ZMYND11: variants seen among roughly 807,000 people sequenced by gnomAD.
The protein encoded by ZMYND11 is zinc finger MYND-type containing 11, also known as zinc finger MYND domain-containing protein 11.
ZMYND11 carries 9 observed loss-of-function variants against 84.9 expected under a neutral mutation model. The observed-to-expected ratio is 0.11, with a 90% CI of 0.06 to 0.18. ZMYND11 has a LOEUF of 0.18. Among genes scored for constraint, ZMYND11 ranks in the 10% least tolerant of loss-of-function variants. ZMYND11 has a pLI of 1.00. For synonymous variants in ZMYND11, 250 were observed against 244.1 expected (o/e 1.02, Z -0.23); for missense variants, 409 against 761.0 (o/e 0.54, Z 5.44).
chr10:157,008 G>A (rs1554759431), intron 1 of ZMYND11, among the ~76,000 whole-genome samples: 1 of 152,122 alleles, frequency 6.6e-6, no homozygotes, highest in East Asian at 1.9e-4. Context: ...TTTTTTAACT[G>A]AATTTTACAA....
intron 1 of ZMYND11, among the ~76,000 whole-genome samples, chr10:171,766 T>G (rs1335567696): frequency 6.6e-6 from 1 of 152,156 alleles, no homozygotes; most frequent in African/African-American, 2.4e-5. Context: ...ACCCTACAGC[T>G]AACATCATAC....
chr10:246,989 G>C lies in ZMYND11; in HGVS notation c.1158+16G>C. 1 of 1,580,352 alleles carries C rather than the reference G, an allele frequency of 6.3e-7. No individual in the cohort carries two copies. The highest frequency in any genetic ancestry group is 8.6e-7 in the Non-Finnish European group (1 of 1,161,044). ...TAATGAGCAGGTGAGTGTGTCTCCG[G>C]AAGGAAGTGCCTATTCATTATTACT... is the stretch of plus-strand genomic sequence containing the variant. On this transcript the variant is annotated intron_variant, in intron 11 of 14. Coordinates refer to ENST00000381604, the MANE Select transcript of ZMYND11 (RefSeq NM_001370100.5).
intron 1 of ZMYND11, among the ~76,000 whole-genome samples, chr10:178,776 G>T (rs1470404798): frequency 6.6e-6 from 1 of 152,102 alleles, no homozygotes; most frequent in East Asian, 1.9e-4. Flanking sequence ...TTCTGATGGT[G>T]GTGTAATTCT....
chr10:144,369 C>T (rs1224141345), intron 1 of ZMYND11, among the ~76,000 whole-genome samples: 1 of 152,070 alleles, frequency 6.6e-6, no homozygotes, highest in Non-Finnish European at 1.5e-5. Context: ...TAGGCGCATG[C>T]CACCACACCT....
At chr10:193,592 T>G (rs1337894270) in intron 2 of ZMYND11, among the ~76,000 whole-genome samples, 1 of 152,218 alleles carries the variant, frequency 6.6e-6, no homozygotes, top group Non-Finnish European at 1.5e-5. Context: ...AAAACCAGAC[T>G]AATAGCTCTG....
At chr10:177,549 C>T (rs893524692) in intron 1 of ZMYND11, among the ~76,000 whole-genome samples, 3 of 152,100 alleles carry the variant, frequency 2.0e-5, no homozygotes, top group African/African-American at 4.8e-5. Flanking sequence ...AGAGTTTCTG[C>T]TACTTAGTCC....
chr10:143,543 A>C (rs1480542459), intron 1 of ZMYND11, among the ~76,000 whole-genome samples: 3 of 152,034 alleles, frequency 2.0e-5, no homozygotes, highest in African/African-American at 7.3e-5. Context: ...AAATGAGAAA[A>C]ATTTATTTGG....
At chr10:136,585 C>A (rs1175351901) in intron 1 of ZMYND11, among the ~76,000 whole-genome samples, 1 of 152,084 alleles carries the variant, frequency 6.6e-6, no homozygotes. Flanking sequence ...GTGCCTGGTA[C>A]CCTGCTGCCA....
intron 1 of ZMYND11, among the ~76,000 whole-genome samples, chr10:170,728 A>G (rs1018654751): frequency 5.9e-5 from 9 of 152,180 alleles, no homozygotes; most frequent in African/African-American, 2.2e-4. Flanking sequence ...ATTGAATTGC[A>G]TAGAATGCTC....
At position 247,423 on chromosome 10, in the gene ZMYND11, C is replaced by G. The variant is rs1952372226; in HGVS notation, c.1184C>G (p.Ala395Gly). The change falls in exon 12 of 15, where the codon GCA becomes GGA. Residue 395 changes from alanine (A) to glycine (G), a missense_variant. This residue lies in a region of ZMYND11 where 19 missense variants were observed against 60.5 expected (regional missense o/e 0.31). Transcript: ENST00000381604. ...EQLKVTQEPR[A>G]KKGRRNQSVE... ...CTAAAGGTCACTCAAGAACCAAGAGCAAAGAAAGGACGACGTAATCAAAGT... is the reference window on the plus strand; with the variant it reads ...CTAAAGGTCACTCAAGAACCAAGAGGAAAGAAAGGACGACGTAATCAAAGT... 1 of 1,614,082 alleles carries G rather than the reference C, an allele frequency of 6.2e-7. No homozygotes were observed. Among genetic ancestry groups the G allele is most frequent in the African/African-American group, 1.3e-5 (1 of 75,018 alleles).
chr10:221,166 A>G, intron 3 of ZMYND11, 29 bp from the exon 4 acceptor site: 2 of 1,603,548 alleles, frequency 1.2e-6, no homozygotes, highest in Non-Finnish European at 1.7e-6. Flanking sequence ...ACAAAATGTC[A>G]TACAAAACTA....
intron 1 of ZMYND11, among the ~76,000 whole-genome samples, chr10:166,915 TAAG>T (rs1554764042): frequency 1.3e-5 from 2 of 152,002 alleles, no homozygotes; most frequent in Non-Finnish European, 2.9e-5. Context: ...TCTTCAGCCA[TAAG>T]AAGAAATAAA....
chr10:207,257 G>A (rs556720980), intron 2 of ZMYND11, among the ~76,000 whole-genome samples: 20 of 152,290 alleles, frequency 1.3e-4, no homozygotes, highest in African/African-American at 4.1e-4. Context: ...ATTTGGGTTG[G>A]TTCCAAGTCT....
chr10:154,884 C>G (rs1841333276), intron 1 of ZMYND11: 1 of 152,154 alleles, frequency 6.6e-6, no homozygotes, highest in Non-Finnish European at 1.5e-5. Flanking sequence ...CAGGCCCAAT[C>G]CTGCTTAGCT....
chr10:251,358 T>C (rs1953454822), intron 14 of ZMYND11, among the ~76,000 whole-genome samples: 1 of 152,164 alleles, frequency 6.6e-6, no homozygotes, highest in Non-Finnish European at 1.5e-5. Flanking sequence ...CAAAACTGAC[T>C]CTGCACCTAA....
chr10:174,841 T>G (rs1206797218), intron 1 of ZMYND11, among the ~76,000 whole-genome samples: 1 of 151,260 alleles, frequency 6.6e-6, no homozygotes, highest in African/African-American at 2.4e-5. Flanking sequence ...CATTCATACA[T>G]TGGTCAGAAC....
rs1053583262 is a variant in ZMYND11, at chr10:237,768, C to T, written c.609+91C>T. The T allele has an allele frequency of 5.6e-6, 5 of 894,288 alleles. 1 individual carries two copies. In the South Asian group the frequency reaches 5.9e-5, roughly 11 times the overall value. 55.4% of individuals were successfully genotyped at this position (894,288 alleles called of 1,614,324 possible). On this transcript the variant is annotated intron_variant, in intron 6 of 14. Coordinates refer to ENST00000381604, the MANE Select transcript of ZMYND11 (RefSeq NM_001370100.5). ...GTAGCAGTTAAGCAGATTTTGGTTG[C>T]TCTTCTTTCCTTGAAAGTGTACTTT...
chr10:149,887 T>C (rs1165863112), intron 1 of ZMYND11, among the ~76,000 whole-genome samples: 3 of 152,196 alleles, frequency 2.0e-5, no homozygotes, highest in Non-Finnish European at 4.4e-5. Context: ...TTTTTGTCTT[T>C]GGTTCTGTTT....
Position 247,417 on chromosome 10 carries a change from C to G in ZMYND11, c.1178C>G (p.Pro393Arg). The G allele has an allele frequency of 6.2e-7, 1 of 1,614,032 alleles. No homozygotes were observed. The highest frequency in any genetic ancestry group is 8.5e-7 in the Non-Finnish European group (1 of 1,179,976). Residue 393 changes from proline to arginine, a missense_variant, in exon 12 of 15, where the codon CCA becomes CGA. Around this residue, in one of 7 missense-constraint regions of ZMYND11, gnomAD observed 19 missense variants for 60.5 expected, o/e 0.31. Coordinates refer to ENST00000381604, the MANE Select transcript of ZMYND11 (RefSeq NM_001370100.5). ...CCACAGCTAAAGGTCACTCAAGAACCAAGAGCAAAGAAAGGACGACGTAAT... is the reference window on the plus strand; with the variant it reads ...CCACAGCTAAAGGTCACTCAAGAACGAAGAGCAAAGAAAGGACGACGTAAT... ...SNEQLKVTQEPRAKKGRRNQS... is the reference protein window; with the variant it reads ...SNEQLKVTQERRAKKGRRNQS...
Sources: gnomAD v4.1 joint callset for allele counts (sites outside exome capture counted in the v4.1 genomes callset) on GRCh38, gnomAD v4.1.1 for gene constraint, gnomAD v4.1.1 regional missense constraint, MANE v1.5 for transcripts, NCBI Gene and HGNC (gene_info 2026-07-23, HGNC 2026-07-21) for gene names.